Variants in L2HGDH observed in about 807,000 individuals in gnomAD.
L2HGDH encodes the protein L-2-hydroxyglutarate dehydrogenase, also known as L-2-hydroxyglutarate dehydrogenase, mitochondrial.
A neutral mutation model predicts 51.5 loss-of-function variants in L2HGDH; 34 were observed. That is an observed-to-expected ratio of 0.66 (90% CI 0.50 to 0.88). L2HGDH has a LOEUF of 0.88. Ranked by LOEUF, L2HGDH falls within the 40% of genes least tolerant of loss-of-function variation. L2HGDH has a pLI of 0.00. For missense variants in L2HGDH, 558 were observed against 571.9 expected (o/e 0.98, Z 0.25); for synonymous variants, 198 against 197.9 (o/e 1.00, Z -0.01).
rs1887940887 is a variant in L2HGDH at position 50,245,135 on chromosome 14, T to C, written c.*1923A>G. On this transcript the variant is annotated 3_prime_UTR_variant, in exon 10 of 10. Coordinates refer to ENST00000267436, the MANE Select transcript of L2HGDH (RefSeq NM_024884.3). ...TTTACAAAAGTGAATGCCTCAAAGT[T>C]AGATATTTATCAAAAATGGAAAAAT... 2.6e-5 allele frequency: 26 copies of C among 985,644 alleles called. No homozygotes were observed. The highest frequency in any genetic ancestry group is 3.1e-5 in the Non-Finnish European group (26 of 829,932). The allele number at this position is 985,644 out of a possible 1,614,324, so 61.1% of individuals were successfully genotyped here.
At chr14:50,270,084 C>T (rs535733905) in intron 6 of L2HGDH, among the ~76,000 whole-genome samples, 36 of 152,266 alleles carry the variant, frequency 2.4e-4, no homozygotes, top group African/African-American at 7.7e-4. Flanking sequence ...AGCAATTTCT[C>T]CTTCCTAATC....
chr14:50,247,264 A>G lies in L2HGDH; in HGVS notation c.1197-11T>C. ...ACTCCAGCTGGGCCCCTGCAAAAGTAAAAGATGGGAGTCAGCTGACTCAAA... is the reference window on the plus strand; with the variant it reads ...ACTCCAGCTGGGCCCCTGCAAAAGTGAAAGATGGGAGTCAGCTGACTCAAA... On this transcript the variant is annotated splice_polypyrimidine_tract_variant and intron_variant, in intron 9 of 9. Coordinates refer to ENST00000267436, the MANE Select transcript of L2HGDH (RefSeq NM_024884.3). 1.2e-6 allele frequency: 2 copies of G among 1,611,386 alleles called. No individual in the cohort carries two copies. The highest frequency in any genetic ancestry group is 1.7e-6 in the Non-Finnish European group (2 of 1,178,528).
At chr14:50,273,712 A>C (rs984882642) in intron 6 of L2HGDH, among the ~76,000 whole-genome samples, 3 of 152,218 alleles carry the variant, frequency 2.0e-5, no homozygotes, top group Admixed American at 6.5e-5. Context: ...TATATCTGAT[A>C]ACAGGTTAAT....
rs1974327 is a variant in L2HGDH, at chr14:50,303,183, A to G, written c.141-166T>C. ...TCACACCTGTAATCCCAGCACTTTG[A>G]GTGGCCGAGGGGGGCGGATCACGAG... is the stretch of plus-strand genomic sequence containing the variant. On this transcript the variant is annotated intron_variant, in intron 1 of 9. Coordinates refer to ENST00000267436, the MANE Select transcript of L2HGDH (RefSeq NM_024884.3). Among the ~76,000 whole-genome samples the G allele has an allele frequency of 0.58, 87,468 of 152,000 alleles. 25,174 individuals carry two copies. The highest frequency in any genetic ancestry group is 0.66 in the East Asian group (3,400 of 5,168).
At chr14:50,261,605 C>G (rs530008022) in intron 9 of L2HGDH, among the ~76,000 whole-genome samples, 1 of 151,940 alleles carries the variant, frequency 6.6e-6, no homozygotes, top group South Asian at 2.1e-4. Flanking sequence ...ACTTAAGCCT[C>G]TCTAGTAGCT....
intron 6 of L2HGDH, among the ~76,000 whole-genome samples, chr14:50,271,689 G>A (rs1037502868): frequency 6.6e-6 from 1 of 151,774 alleles, no homozygotes; most frequent in African/African-American, 2.4e-5. Context: ...TGTTTTATTA[G>A]AGATAAAGTC....
intron 1 of L2HGDH, among the ~76,000 whole-genome samples, chr14:50,308,008 A>T (rs1333272205): frequency 6.6e-6 from 1 of 152,174 alleles, no homozygotes; most frequent in African/African-American, 2.4e-5. Flanking sequence ...TTAAGAGGAT[A>T]AAAAAACTAA....
chr14:50,270,446 A>C (rs1438309619), intron 6 of L2HGDH, among the ~76,000 whole-genome samples: 1 of 152,116 alleles, frequency 6.6e-6, no homozygotes, highest in Non-Finnish European at 1.5e-5. Flanking sequence ...GAAGCCTCAG[A>C]GTTCTCACCT....
chr14:50,278,124 T>A (rs1890071434), intron 6 of L2HGDH, among the ~76,000 whole-genome samples: 1 of 152,220 alleles, frequency 6.6e-6, no homozygotes, highest in Non-Finnish European at 1.5e-5. Context: ...ATTCAGTGGT[T>A]CTTGCTTTAG....
chr14:50,265,538 A>G, intron 8 of L2HGDH, 49 bp from the exon 9 acceptor site: 1 of 1,457,680 alleles, frequency 6.9e-7, no homozygotes. Context: ...ATTCTTTATT[A>G]CGTAAAATAC....
rs371804551 is a variant in L2HGDH, at chr14:50,255,537, C to CAAA, written c.1197-8287_1197-8285dup. 1.0e-3 allele frequency among the ~76,000 whole-genome samples: 116 copies of CAAA among 114,684 alleles called. 3 individuals carry two copies. The highest frequency in any genetic ancestry group is 5.1e-3 in the South Asian group (17 of 3,350). The allele number at this position is 114,684 out of a possible 152,430, so 75.2% of individuals were successfully genotyped here. On this transcript the variant is annotated intron_variant, in intron 9 of 9. Transcript: ENST00000267436. ...GGCAACAAGAGCGAAACTCCATCTCCAAAAAAAAAAAAAAAAGAAAAGAAA... is the reference window on the plus strand; with the variant it reads ...GGCAACAAGAGCGAAACTCCATCTCCAAAAAAAAAAAAAAAAAAAGAAAAGAAA...
At chr14:50,292,792 G>A (rs1665497913) in intron 4 of L2HGDH, among the ~76,000 whole-genome samples, 1 of 152,152 alleles carries the variant, frequency 6.6e-6, no homozygotes, top group African/African-American at 2.4e-5. Flanking sequence ...GGCCGAGGCA[G>A]GAGAATTGCT....
At chr14:50,289,378 T>C (rs898122821) in intron 4 of L2HGDH, among the ~76,000 whole-genome samples, 13 of 152,110 alleles carry the variant, frequency 8.5e-5, no homozygotes, top group Non-Finnish European at 1.8e-4. Context: ...TAACTAAATA[T>C]TCTTAATTAT....
At position 50,247,258 on chromosome 14, in the gene L2HGDH, A is replaced by G. The variant is rs1488372309; in HGVS notation, c.1197-5T>C. ...GCTCTTACTCCAGCTGGGCCCCTGC[A>G]AAAGTAAAAGATGGGAGTCAGCTGA... On this transcript the variant is annotated splice_polypyrimidine_tract_variant and splice_region_variant and intron_variant, in intron 9 of 9. Coordinates refer to ENST00000267436, the MANE Select transcript of L2HGDH (RefSeq NM_024884.3). 3 of 1,611,966 alleles carry G rather than the reference A, an allele frequency of 1.9e-6. No homozygotes were observed. Among genetic ancestry groups the G allele is most frequent in the East Asian group, 2.2e-5 (1 of 44,884 alleles).
intron 4 of L2HGDH, chr14:50,293,125 T>G (rs1030858297): frequency 3.0e-6 from 2 of 658,692 alleles, no homozygotes; most frequent in African/African-American, 3.6e-5. Flanking sequence ...AAAAAATGGC[T>G]ATTATAATTA....
chr14:50,278,547 T>G lies in L2HGDH; in HGVS notation c.711A>C (p.Gln237His). 6.9e-7 allele frequency: 1 copy of G among 1,457,720 alleles called. No homozygotes were observed. The highest frequency in any genetic ancestry group is 1.2e-5 in the South Asian group (1 of 83,660). 90.3% of individuals were successfully genotyped at this position (1,457,720 alleles called of 1,614,324 possible). Residue 237 changes from glutamine (Q) to histidine (H), a missense_variant, in exon 6 of 10, where the codon CAA (glutamine) becomes CAC (histidine). Gln to His is a conservative substitution (Grantham distance 24). Coordinates refer to ENST00000267436, the MANE Select transcript of L2HGDH (RefSeq NM_024884.3). Reference protein sequence around the residue: ...ESPSRSIDGMQYPIVIKNTKG... With the variant: ...ESPSRSIDGMHYPIVIKNTKG... ...TTGTATTCTTTATAACAATTGGATA[T>G]TGCATTCCTGAAAAAAAAGAATAAG... is the stretch of plus-strand genomic sequence containing the variant.
intron 9 of L2HGDH, among the ~76,000 whole-genome samples, chr14:50,263,607 T>C (rs894923988): frequency 6.6e-6 from 1 of 152,118 alleles, no homozygotes; most frequent in African/African-American, 2.4e-5. Context: ...GAGGGATGGA[T>C]TGTAAATGGA....
At chr14:50,281,592 C>CA (rs920796542) in intron 5 of L2HGDH, among the ~76,000 whole-genome samples, 3 of 151,144 alleles carry the variant, frequency 2.0e-5, no homozygotes, top group Admixed American at 6.6e-5. Flanking sequence ...AACTCCATCT[C>CA]AAAAAAAATA....
chr14:50,258,724 G>A (rs1888819872), intron 9 of L2HGDH, among the ~76,000 whole-genome samples: 1 of 152,054 alleles, frequency 6.6e-6, no homozygotes, highest in African/African-American at 2.4e-5. Flanking sequence ...ATATTGTCCA[G>A]GCTGGTTTGG....
Sources: allele counts gnomAD v4.1 joint callset (sites outside exome capture counted in the v4.1 genomes callset), GRCh38; gene constraint gnomAD v4.1.1; transcripts MANE v1.5; gene names NCBI Gene and HGNC (gene_info 2026-07-23, HGNC 2026-07-21).